FRMD4A: variants seen among roughly 807,000 people sequenced by gnomAD.
FRMD4A encodes FERM domain-containing protein 4A.
Under a neutral mutation model 129.1 loss-of-function variants are expected in FRMD4A, and 29 were observed. The ratio of observed to expected loss-of-function variants is 0.22; its 90% CI spans 0.17 to 0.31. FRMD4A has a LOEUF of 0.31. FRMD4A is among the 10% of genes least tolerant of loss of function. The pLI, the probability that FRMD4A is intolerant of heterozygous loss-of-function variation, is 1.00. For synonymous variants in FRMD4A, 634 were observed against 571.6 expected (o/e 1.11, Z -1.56); for missense variants, 1,272 against 1,375.8 (o/e 0.92, Z 1.19).
chr10:13,648,698 G>C (rs550185820), intron 24 of FRMD4A: 84 of 152,316 alleles, frequency 5.5e-4, no homozygotes, highest in African/African-American at 2.0e-3. Flanking sequence ...GACATCGGCT[G>C]GTACACGCTT....
At chr10:13,810,111 G>T (rs1207349870) in intron 4 of FRMD4A, among the ~76,000 whole-genome samples, 2 of 152,194 alleles carry the variant, frequency 1.3e-5, no homozygotes, top group African/African-American at 4.8e-5. Flanking sequence ...GTGTGTGTTT[G>T]TGACTGTACG....
At chr10:14,013,402 G>T (rs1441303796) in intron 2 of FRMD4A, among the ~76,000 whole-genome samples, 2 of 152,128 alleles carry the variant, frequency 1.3e-5, no homozygotes, top group African/African-American at 4.8e-5. Context: ...CTGAGAAGCA[G>T]GTTTGAAATC....
At chr10:13,818,357 A>T (rs780761664) in intron 3 of FRMD4A, among the ~76,000 whole-genome samples, 31 of 152,060 alleles carry the variant, frequency 2.0e-4, no homozygotes, top group Non-Finnish European at 4.0e-4. Context: ...TTTTGTAAAG[A>T]TGGATTCTTT....
rs1172570530 is a variant in FRMD4A at position 13,971,172 on chromosome 10, A to AT, written c.46-112261dup. Among the ~76,000 whole-genome samples, 4 of 151,814 alleles carry AT rather than the reference A, an allele frequency of 2.6e-5. No homozygotes were observed. In the East Asian group the frequency reaches 5.8e-4, roughly 22 times the overall value. On this transcript the variant is annotated intron_variant, in intron 2 of 24. Coordinates refer to ENST00000357447, the MANE Select transcript of FRMD4A (RefSeq NM_018027.5). ...TGCATGCATACTCACAGGCACACAC[A>AT]TGCATGCACACGCACGCACACATGC...
At chr10:14,231,061 G>A (rs541679032) in intron 2 of FRMD4A, among the ~76,000 whole-genome samples, 2 of 152,222 alleles carry the variant, frequency 1.3e-5, no homozygotes, top group Admixed American at 1.3e-4. Flanking sequence ...CTTTGCTATT[G>A]TGAAGGGTGC....
At chr10:13,906,405 C>A (rs140644660) in intron 2 of FRMD4A, among the ~76,000 whole-genome samples, 2 of 152,194 alleles carry the variant, frequency 1.3e-5, no homozygotes, top group African/African-American at 4.8e-5. Context: ...AGTGGTGTAA[C>A]TTTAGGCTAA....
chr10:13,711,299 G>A (rs2087989953), intron 12 of FRMD4A, among the ~76,000 whole-genome samples: 1 of 152,240 alleles, frequency 6.6e-6, no homozygotes, highest in African/African-American at 2.4e-5. Context: ...CTCTGAGGCT[G>A]GCAGAGCAAA....
intron 2 of FRMD4A, among the ~76,000 whole-genome samples, chr10:13,939,823 C>A (rs1372750656): frequency 6.6e-6 from 1 of 152,172 alleles, no homozygotes; most frequent in Non-Finnish European, 1.5e-5. Context: ...ATTTCCCATT[C>A]TGGCAGCAAA....
chr10:13,956,918 A>G (rs950237095), intron 2 of FRMD4A, among the ~76,000 whole-genome samples: 3 of 152,298 alleles, frequency 2.0e-5, no homozygotes, highest in Non-Finnish European at 2.9e-5. Flanking sequence ...GAAAACTGAG[A>G]TTCACAATAA....
intron 3 of FRMD4A, among the ~76,000 whole-genome samples, chr10:13,818,074 C>T (rs1445360371): frequency 6.6e-6 from 1 of 152,216 alleles, no homozygotes; most frequent in Non-Finnish European, 1.5e-5. Context: ...ACAAATTACG[C>T]AAGCTCTCTG....
chr10:13,885,656 C>T (rs2094610548), intron 2 of FRMD4A, among the ~76,000 whole-genome samples: 1 of 152,228 alleles, frequency 6.6e-6, no homozygotes, highest in South Asian at 2.1e-4. Flanking sequence ...CAGGCATTGA[C>T]TGTGATGGGC....
chr10:14,184,216 C>G (rs11258922), intron 2 of FRMD4A, among the ~76,000 whole-genome samples: 1 of 140,738 alleles, frequency 7.1e-6, no homozygotes, highest in Non-Finnish European at 1.5e-5. Flanking sequence ...ACTGCAAACT[C>G]TGCCTCCTGG....
At chr10:14,267,317 T>C (rs998956191) in intron 2 of FRMD4A, among the ~76,000 whole-genome samples, 3 of 152,156 alleles carry the variant, frequency 2.0e-5, no homozygotes, top group African/African-American at 7.2e-5. Context: ...AAGGAAAAAA[T>C]AGAAGCAGCT....
chr10:14,056,556 C>A (rs12249279), intron 2 of FRMD4A, among the ~76,000 whole-genome samples: 74,026 of 151,792 alleles, frequency 0.49, 18,540 homozygotes, highest in African/African-American at 0.61. Flanking sequence ...TTCCCCCCTC[C>A]ACCCTCTGTA....
chr10:14,027,535 G>A (rs1833039931), intron 2 of FRMD4A, among the ~76,000 whole-genome samples: 1 of 152,232 alleles, frequency 6.6e-6, no homozygotes, highest in South Asian at 2.1e-4. Context: ...AGAATTGCTT[G>A]AACCTGGGAG....
chr10:14,007,844 C>G (rs1178841783), intron 2 of FRMD4A, among the ~76,000 whole-genome samples: 1 of 152,202 alleles, frequency 6.6e-6, no homozygotes, highest in Admixed American at 6.5e-5. Flanking sequence ...ACCCCTCCCC[C>G]ATCTGAGATC....
At position 13,656,738 on chromosome 10, in the gene FRMD4A, T is replaced by G; in HGVS notation, c.2851A>C (p.Thr951Pro). 2 of 1,597,276 alleles carry G rather than the reference T, an allele frequency of 1.3e-6. No individual in the cohort carries two copies. The highest frequency in any genetic ancestry group is 1.1e-5 in the South Asian group (1 of 88,712). ...TACTGCGAGCCGCTGTCCGAGGAGGTGGAGCTGGTGTGCGACAGGCGGCTG... is the reference window on the plus strand; with the variant it reads ...TACTGCGAGCCGCTGTCCGAGGAGGGGGAGCTGGTGTGCGACAGGCGGCTG... ...EHSRLSHTSSTSSDSGSQYST... is the reference protein window; with the variant it reads ...EHSRLSHTSSPSSDSGSQYST... Residue 951 changes from threonine (T) to proline (P), a missense_variant, in exon 22 of 25, where the codon ACC (threonine) becomes CCC (proline). Thr to Pro is a conservative substitution (Grantham distance 38). Transcript: ENST00000357447.
At chr10:13,947,613 C>T (rs549718883) in intron 2 of FRMD4A, among the ~76,000 whole-genome samples, 26 of 122,956 alleles carry the variant, frequency 2.1e-4, no homozygotes, top group African/African-American at 5.6e-4. Flanking sequence ...CACGTGCACA[C>T]ACACACACAC....
intron 2 of FRMD4A, among the ~76,000 whole-genome samples, chr10:14,301,205 C>G (rs1319581382): frequency 1.3e-5 from 2 of 152,174 alleles, no homozygotes; most frequent in Non-Finnish European, 2.9e-5. Context: ...TTGTACTTTC[C>G]CAGGTATTCA....
Sources: allele counts gnomAD v4.1 joint callset (sites outside exome capture counted in the v4.1 genomes callset), GRCh38; gene constraint gnomAD v4.1.1; transcripts MANE v1.5; gene names NCBI Gene and HGNC (gene_info 2026-07-23, HGNC 2026-07-21).